TRIM44: variants seen among roughly 807,000 people sequenced by gnomAD.
TRIM44 encodes the protein tripartite motif containing 44.
TRIM44 carries 13 observed loss-of-function variants against 37.4 expected under a neutral mutation model. The ratio of observed to expected loss-of-function variants is 0.35; its 90% confidence interval spans 0.23 to 0.55. TRIM44 has a LOEUF of 0.55. TRIM44 is among the 20% of genes least tolerant of loss of function. The probability of loss-of-function intolerance (pLI) is 0.89; values close to 1 mark genes in which losing one functional copy is unlikely to be tolerated. For synonymous variants in TRIM44, 175 were observed against 157.2 expected (o/e 1.11, Z -0.85); for missense variants, 426 against 437.2 (o/e 0.97, Z 0.23).
intron 4 of TRIM44, among the ~76,000 whole-genome samples, chr11:35,806,149 A>G (rs1853445555): frequency 6.6e-6 from 1 of 152,136 alleles, no homozygotes; most frequent in African/African-American, 2.4e-5. Context: ...CAAGAAAGTA[A>G]GTTTTATCAT....
chr11:35,671,961 G>T (rs1851397773), intron 1 of TRIM44, among the ~76,000 whole-genome samples: 1 of 152,096 alleles, frequency 6.6e-6, no homozygotes, highest in Non-Finnish European at 1.5e-5. Context: ...AGATATGTGG[G>T]ATTCTCTTAC....
At chr11:35,775,291 G>A (rs1462988188) in intron 4 of TRIM44, among the ~76,000 whole-genome samples, 4 of 152,022 alleles carry the variant, frequency 2.6e-5, no homozygotes, top group South Asian at 2.1e-4. Flanking sequence ...GGTGTATAGG[G>A]ATGCTTGTGA....
intron 3 of TRIM44, among the ~76,000 whole-genome samples, chr11:35,729,969 C>T (rs906791593): frequency 6.6e-6 from 1 of 151,952 alleles, no homozygotes. Flanking sequence ...AGTGCAAGAC[C>T]CTGTCTCAAA....
chr11:35,690,162 C>A (rs980418922), intron 2 of TRIM44, among the ~76,000 whole-genome samples: 1 of 152,130 alleles, frequency 6.6e-6, no homozygotes. Flanking sequence ...TTTCCTCTAG[C>A]CTCTAGAGGT....
intron 2 of TRIM44, among the ~76,000 whole-genome samples, chr11:35,686,478 C>T (rs1011801984): frequency 6.6e-6 from 1 of 151,248 alleles, no homozygotes; most frequent in African/African-American, 2.4e-5. Flanking sequence ...AATATACATA[C>T]AAAATTTTAA....
In TRIM44 at chr11:35,810,997, T is replaced by C. The variant is rs755601516; in HGVS notation, c.*4612T>C. Reference sequence around the variant, plus strand: ...AGAGATTTACTGCTATCCCAGGATGTTCGGACTTGGTGCCCCTGTGCATTT... The same window carrying C: ...AGAGATTTACTGCTATCCCAGGATGCTCGGACTTGGTGCCCCTGTGCATTT... On this transcript the variant is annotated 3_prime_UTR_variant, in exon 5 of 5. Coordinates refer to ENST00000299413, the MANE Select transcript of TRIM44 (RefSeq NM_017583.6). The C allele has an allele frequency of 6.6e-6, 1 of 152,216 alleles. No homozygotes were observed. The highest frequency in any genetic ancestry group is 1.5e-5 in the Non-Finnish European group (1 of 68,026). The allele number at this position is 152,216 out of a possible 1,614,324, so 9.4% of individuals were successfully genotyped here.
rs572280263 is a variant in TRIM44 at position 35,713,255 on chromosome 11, C to T, written c.748-12669C>T. Among the ~76,000 whole-genome samples, 10 of 152,256 alleles carry T rather than the reference C, an allele frequency of 6.6e-5. No homozygotes were observed. The South Asian group carries it at 8.3e-4, about 13-fold the overall frequency. The stretch of plus-strand genomic sequence containing the variant: ...CTGCAGCAGGCAAAATAGATTCTAC[C>T]ATGTCTCCCTACTTCCTAACTCAGC... On this transcript the variant is annotated intron_variant, in intron 2 of 4. Transcript: ENST00000299413.
intron 2 of TRIM44, among the ~76,000 whole-genome samples, chr11:35,687,319 T>A (rs1851593693): frequency 6.6e-6 from 1 of 152,226 alleles, no homozygotes. Context: ...TGGTAAGATC[T>A]CTTGTCTTCT....
rs367758131 is a variant in TRIM44 at position 35,808,004 on chromosome 11, T to A, written c.*1619T>A. 6.6e-6 allele frequency: 1 copy of A among 152,190 alleles called. No homozygotes were observed. The highest frequency in any genetic ancestry group is 1.5e-5 in the Non-Finnish European group (1 of 68,036). The allele number at this position is 152,190 out of a possible 1,614,324, so 9.4% of individuals were successfully genotyped here. A position where few individuals can be genotyped will look rare whatever the true frequency, so the allele number is the denominator to read the frequency against. On this transcript the variant is annotated 3_prime_UTR_variant, in exon 5 of 5. Coordinates refer to ENST00000299413, the MANE Select transcript of TRIM44 (RefSeq NM_017583.6). ...AGGCTTTAGGACCAGCTGATTGTTA[T>A]GCTTGCAGGATGGTTTTGAAACAGA...
chr11:35,683,691 T>C (rs1851544133), intron 1 of TRIM44, among the ~76,000 whole-genome samples: 1 of 152,114 alleles, frequency 6.6e-6, no homozygotes, highest in Admixed American at 6.6e-5. Context: ...CTGATAGAGT[T>C]GTTGAGATAA....
intron 2 of TRIM44, among the ~76,000 whole-genome samples, chr11:35,723,994 T>C (rs192547769): frequency 3.9e-5 from 6 of 152,308 alleles, no homozygotes; most frequent in Admixed American, 3.9e-4. Flanking sequence ...CTCAATCTGA[T>C]ACAGAATTTA....
At chr11:35,675,898 A>G (rs79795375) in intron 1 of TRIM44, among the ~76,000 whole-genome samples, 1,603 of 152,106 alleles carry the variant, frequency 0.011, 28 homozygotes, top group African/African-American at 0.037. Context: ...CCAGAACTCA[A>G]TACCCTGGCC....
Position 35,808,207 on chromosome 11 carries a change from T to TTAAAAA in TRIM44, c.*1822_*1823insTAAAAA, listed in dbSNP as rs1554940372. The TTAAAAA allele has an allele frequency of 6.8e-5, 6 of 87,974 alleles. No individual in the cohort carries two copies. Among genetic ancestry groups the TTAAAAA allele is most frequent in the Admixed American group, 1.4e-4 (1 of 7,116 alleles). The allele number at this position is 87,974 out of a possible 1,614,324, so 5.4% of individuals were successfully genotyped here. On this transcript the variant is annotated 3_prime_UTR_variant, in exon 5 of 5. Transcript: ENST00000299413. ...TGGGGCTGAGGGGAGTTTGAGGTGT[T>TTAAAAA]AAAAAAAAAAAAAAAAAAGCATTTT...
chr11:35,761,543 A>C (rs1565007080), intron 4 of TRIM44, among the ~76,000 whole-genome samples: 1 of 152,238 alleles, frequency 6.6e-6, no homozygotes, highest in Non-Finnish European at 1.5e-5. Context: ...ACTATGTGAC[A>C]GACACTGTTA....
At chr11:35,795,901 T>C (rs1427976334) in intron 4 of TRIM44, among the ~76,000 whole-genome samples, 1 of 152,246 alleles carries the variant, frequency 6.6e-6, no homozygotes, top group African/African-American at 2.4e-5. Context: ...ATAGGTACTA[T>C]GTCAAGCTCT....
intron 4 of TRIM44, among the ~76,000 whole-genome samples, chr11:35,766,644 C>G (rs1233020347): frequency 2.0e-5 from 3 of 149,594 alleles, no homozygotes; most frequent in Non-Finnish European, 4.4e-5. Flanking sequence ...GTTCTTACCC[C>G]TGTTTCTCAC....
At chr11:35,681,556 T>G (rs1261835457) in intron 1 of TRIM44, among the ~76,000 whole-genome samples, 1 of 152,190 alleles carries the variant, frequency 6.6e-6, no homozygotes, top group East Asian at 1.9e-4. Context: ...TTGGGTGGGA[T>G]GGAGGTGGAG....
intron 4 of TRIM44, among the ~76,000 whole-genome samples, chr11:35,754,286 T>C (rs1298096839): frequency 6.6e-6 from 1 of 152,098 alleles, no homozygotes; most frequent in Non-Finnish European, 1.5e-5. Flanking sequence ...GGGAATCATC[T>C]CGGATTTCTT....
In TRIM44 at chr11:35,814,248, G is replaced by A. The variant is rs528004395; in HGVS notation, c.*7863G>A. The A allele has an allele frequency of 5.3e-5, 8 of 152,148 alleles. No homozygotes were observed. The highest frequency in any genetic ancestry group is 1.0e-4 in the Non-Finnish European group (7 of 68,022). The allele number at this position is 152,148 out of a possible 1,614,324, so 9.4% of individuals were successfully genotyped here. ...GCTCTTTGCTGTAAGAAGAATAAAC[G>A]TTATGTAGATATAATACCAGCGTGA... On this transcript the variant is annotated 3_prime_UTR_variant, in exon 5 of 5. Transcript: ENST00000299413.
Sources: allele counts gnomAD v4.1 joint callset (sites outside exome capture counted in the v4.1 genomes callset), GRCh38; gene constraint gnomAD v4.1.1; transcripts MANE v1.5; gene names NCBI Gene and HGNC (gene_info 2026-07-23, HGNC 2026-07-21).